Variants in COL23A1 observed in about 807,000 individuals in gnomAD.
COL23A1 encodes collagen alpha-1(XXIII) chain.
Under a neutral mutation model 99.3 loss-of-function variants are expected in COL23A1, and 97 were observed. The observed-to-expected ratio is 0.98, with a 90% CI of 0.83 to 1.16. COL23A1 has a LOEUF of 1.16. COL23A1 is among the 50% of genes most tolerant of loss of function. The pLI is 0.00. For synonymous variants in COL23A1, 320 were observed against 308.2 expected, an observed-to-expected ratio of 1.04 and a Z score of -0.40; for missense variants, 762 against 757.4, an observed-to-expected ratio of 1.01 and a Z score of -0.07.
intron 2 of COL23A1, among the ~76,000 whole-genome samples, chr5:178,397,547 C>T (rs542024506): frequency 2.6e-5 from 4 of 152,342 alleles, no homozygotes; most frequent in South Asian, 2.1e-4. Flanking sequence ...CACGGGCATC[C>T]GCCCCCACTC....
At position 178,552,846 on chromosome 5, in the gene COL23A1, T is replaced by C. The variant is rs1333554049; in HGVS notation, c.361+7836A>G. On this transcript the variant is annotated intron_variant, in intron 2 of 28. Transcript: ENST00000390654. ...CTCCTGCCTCAGTCTCCTGAGTAGCTGGGACTACAGGCGCGTGCCACCACA... is the reference window on the plus strand; with the variant it reads ...CTCCTGCCTCAGTCTCCTGAGTAGCCGGGACTACAGGCGCGTGCCACCACA... 2.6e-5 allele frequency among the ~76,000 whole-genome samples: 4 copies of C among 151,912 alleles called. No individual in the cohort carries two copies. In the East Asian group the frequency reaches 7.8e-4, roughly 30 times the overall value.
intron 2 of COL23A1, among the ~76,000 whole-genome samples, chr5:178,486,715 C>T (rs1490941718): frequency 6.6e-6 from 1 of 152,172 alleles, no homozygotes; most frequent in Non-Finnish European, 1.5e-5. Flanking sequence ...CCAAAGCGTA[C>T]TTCAGACATG....
At position 178,387,941 on chromosome 5, in the gene COL23A1, A is replaced by G. The variant is rs1329951390; in HGVS notation, c.362-81022T>C. Among the ~76,000 whole-genome samples, 2 of 152,134 alleles carry G rather than the reference A, an allele frequency of 1.3e-5. No individual in the cohort carries two copies. Among genetic ancestry groups the G allele is most frequent in the African/African-American group, 4.8e-5 (2 of 41,436 alleles). Reference sequence around the variant, plus strand: ...GTGGCACTGCAAGAACTGCCAGTGAAGGACAGAAATGGGCAAGTGGGAGGA... The same window carrying G: ...GTGGCACTGCAAGAACTGCCAGTGAGGGACAGAAATGGGCAAGTGGGAGGA... On this transcript the variant is annotated intron_variant, in intron 2 of 28. Transcript: ENST00000390654. The surrounding 1 kb of genome is among the most constrained non-coding windows in gnomAD (Gnocchi z 4.7).
intron 2 of COL23A1, among the ~76,000 whole-genome samples, chr5:178,515,113 C>G (rs1759431533): frequency 6.6e-6 from 1 of 152,238 alleles, no homozygotes; most frequent in African/African-American, 2.4e-5. Flanking sequence ...TGGGAGGCAG[C>G]TGAGCTGCAG....
At chr5:178,279,566 G>C (rs752829509) in intron 5 of COL23A1, among the ~76,000 whole-genome samples, 2 of 152,194 alleles carry the variant, frequency 1.3e-5, no homozygotes, top group African/African-American at 2.4e-5. Context: ...GAGGCCTCAG[G>C]TTCCAGCCCA....
rs1030117551 is a variant in COL23A1, at chr5:178,578,162, T to A, written c.294+11742A>T. ...ATGCACACACATGCACACACAGGCA[T>A]ACTTACGTGCATATGCATACATGAA... On this transcript the variant is annotated intron_variant, in intron 1 of 28. Transcript: ENST00000390654. 8.6e-5 allele frequency among the ~76,000 whole-genome samples: 13 copies of A among 151,326 alleles called. No homozygotes were observed. The East Asian group carries it at 2.5e-3, about 29-fold the overall frequency.
rs543387211 is a variant in COL23A1 at position 178,410,473 on chromosome 5, T to C, written c.362-103554A>G. Among the ~76,000 whole-genome samples the C allele has an allele frequency of 2.6e-5, 4 of 152,294 alleles. No individual in the cohort carries two copies. In the East Asian group the frequency reaches 7.7e-4, roughly 29 times the overall value. On this transcript the variant is annotated intron_variant, in intron 2 of 28. Transcript: ENST00000390654. ...CTCACACTTAACCAATTTTTAAACT[T>C]ACTACAAAGCTATGGTAATCAAAAC...
At chr5:178,367,502 T>C (rs539661585) in intron 2 of COL23A1, among the ~76,000 whole-genome samples, 35 of 152,292 alleles carry the variant, frequency 2.3e-4, no homozygotes, top group African/African-American at 8.4e-4. Context: ...GGGGCTTCCC[T>C]TGGTGGCTGC....
intron 1 of COL23A1, among the ~76,000 whole-genome samples, chr5:178,561,391 T>G (rs1233027154): frequency 6.6e-6 from 1 of 152,074 alleles, no homozygotes; most frequent in African/African-American, 2.4e-5. Flanking sequence ...TGTGCCAGAT[T>G]TGGGTGAGAG....
chr5:178,321,394 T>C (rs1759296014), intron 2 of COL23A1, among the ~76,000 whole-genome samples: 1 of 152,096 alleles, frequency 6.6e-6, no homozygotes, highest in Non-Finnish European at 1.5e-5. Context: ...CTCAGCAGCA[T>C]TTGTCCTGTG....
At position 178,552,871 on chromosome 5, in the gene COL23A1, A is replaced by G. The variant is rs996859485; in HGVS notation, c.361+7811T>C. Reference sequence around the variant, plus strand: ...TGGGACTACAGGCGCGTGCCACCACACCTGGCTAATTTTTGTATTTTTAGT... The same window carrying G: ...TGGGACTACAGGCGCGTGCCACCACGCCTGGCTAATTTTTGTATTTTTAGT... On this transcript the variant is annotated intron_variant, in intron 2 of 28. Coordinates refer to ENST00000390654, the MANE Select transcript of COL23A1 (RefSeq NM_173465.4). 6.6e-5 allele frequency among the ~76,000 whole-genome samples: 10 copies of G among 151,822 alleles called. No homozygotes were observed. In the East Asian group the frequency reaches 7.8e-4, roughly 12 times the overall value.
At chr5:178,462,788 G>A (rs372703209) in intron 2 of COL23A1, among the ~76,000 whole-genome samples, 10 of 152,314 alleles carry the variant, frequency 6.6e-5, no homozygotes, top group East Asian at 1.9e-4. Flanking sequence ...GCAAAAGAAC[G>A]TTTCCCACAT....
At chr5:178,426,103 G>C (rs1472199302) in intron 2 of COL23A1, among the ~76,000 whole-genome samples, 1 of 152,168 alleles carries the variant, frequency 6.6e-6, no homozygotes, top group Non-Finnish European at 1.5e-5. Context: ...GTTTAGTGTG[G>C]TCAGGAAAGG....
In COL23A1 at chr5:178,434,710, G is replaced by A. The variant is rs541025405; in HGVS notation, c.361+125972C>T. On this transcript the variant is annotated intron_variant, in intron 2 of 28. Coordinates refer to ENST00000390654, the MANE Select transcript of COL23A1 (RefSeq NM_173465.4). This position sits in a 1 kb window ranked among gnomAD's most constrained non-coding sequence, Gnocchi z 4.3. ...CCCTACCTGTGCCCCTCTAGAGGCC[G>A]GTGCCTCCCCAACATCTCCACTTCA... 6.6e-6 allele frequency among the ~76,000 whole-genome samples: 1 copy of A among 152,314 alleles called. No individual in the cohort carries two copies. The highest frequency in any genetic ancestry group is 2.1e-4 in the South Asian group (1 of 4,826).
intron 5 of COL23A1, among the ~76,000 whole-genome samples, chr5:178,285,706 T>C (rs1179805503): frequency 1.3e-5 from 2 of 152,202 alleles, no homozygotes; most frequent in Non-Finnish European, 2.9e-5. Flanking sequence ...AAAGCCACGG[T>C]GATCCTCTGC....
Position 178,556,139 on chromosome 5 carries a change from T to C in COL23A1, c.361+4543A>G, listed in dbSNP as rs559584795. Among the ~76,000 whole-genome samples, 11 of 151,974 alleles carry C rather than the reference T, an allele frequency of 7.2e-5. 1 individual carries two copies. The South Asian group carries it at 2.3e-3, about 32-fold the overall frequency. On this transcript the variant is annotated intron_variant, in intron 2 of 28. Transcript: ENST00000390654. Reference sequence around the variant, plus strand: ...ACTGGCCAAGTGCATTACAGGACATTCCAACAGCATGGCCAGATTCTTTCC... The same window carrying C: ...ACTGGCCAAGTGCATTACAGGACATCCCAACAGCATGGCCAGATTCTTTCC...
In COL23A1 at chr5:178,377,238, G is replaced by C. The variant is rs1190657303; in HGVS notation, c.362-70319C>G. 2.0e-5 allele frequency among the ~76,000 whole-genome samples: 3 copies of C among 152,206 alleles called. No homozygotes were observed. In the South Asian group the frequency reaches 6.2e-4, roughly 32 times the overall value. ...ACAGATCTTCTCCCGTAACGGGCTG[G>C]TGTTTCACATCTGTCAGACACAGAG... On this transcript the variant is annotated intron_variant, in intron 2 of 28. Transcript: ENST00000390654.
chr5:178,334,499 T>A (rs1423037647), intron 2 of COL23A1, among the ~76,000 whole-genome samples: 1 of 152,224 alleles, frequency 6.6e-6, no homozygotes, highest in African/African-American at 2.4e-5. Context: ...AAGTCCACAT[T>A]AGCATTTCAA....
intron 2 of COL23A1, among the ~76,000 whole-genome samples, chr5:178,450,208 C>T (rs1403710773): frequency 2.0e-5 from 3 of 152,178 alleles, no homozygotes; most frequent in South Asian, 2.1e-4. Context: ...TGAGAAGTGT[C>T]GTTTCCAGGT....
Sources: allele counts gnomAD v4.1 joint callset (sites outside exome capture counted in the v4.1 genomes callset), GRCh38; gene constraint gnomAD v4.1.1; non-coding constraint Gnocchi (gnomAD v3.1); transcripts MANE v1.5; gene names NCBI Gene and HGNC (gene_info 2026-07-23, HGNC 2026-07-21).